MACC1: variants seen among roughly 807,000 people sequenced by gnomAD.
The protein encoded by MACC1 is MET transcriptional regulator MACC1, also known as metastasis-associated in colon cancer protein 1.
MACC1 carries 79 observed loss-of-function variants against 70.7 expected under a neutral mutation model. The observed-to-expected ratio is 1.12, with a 90% CI of 0.93 to 1.35. The LOEUF is 1.35. MACC1 is among the 40% of genes most tolerant of loss of function. The pLI, the probability that MACC1 is intolerant of heterozygous loss-of-function variation, is 0.00. For synonymous variants in MACC1, 361 were observed against 347.2 expected (o/e 1.04, Z -0.44); for missense variants, 1,106 against 978.1 (o/e 1.13, Z -1.74).
rs758865414 is a variant in MACC1, at chr7:20,140,938, C to T, written c.*8G>A. On this transcript the variant is annotated 3_prime_UTR_variant, in exon 7 of 7. Coordinates refer to ENST00000400331, the MANE Select transcript of MACC1 (RefSeq NM_182762.4). ...TTTTCCCTCCCATCAAAAACACACG[C>T]TTTGTTTCTATACTTCCTCAGAAGT... 7 of 1,604,874 alleles carry T rather than the reference C, an allele frequency of 4.4e-6. No individual in the cohort carries two copies. Among genetic ancestry groups the T allele is most frequent in the Middle Eastern group, 1.7e-4 (1 of 6,032 alleles).
At chr7:20,203,481 C>G (rs1232379124) in intron 1 of MACC1, among the ~76,000 whole-genome samples, 1 of 152,252 alleles carries the variant, frequency 6.6e-6, no homozygotes, top group East Asian at 1.9e-4. Context: ...AACGGCTAAA[C>G]CTATGAAGTG....
intron 1 of MACC1, among the ~76,000 whole-genome samples, chr7:20,187,106 C>G (rs1210383594): frequency 6.6e-6 from 1 of 152,124 alleles, no homozygotes; most frequent in Non-Finnish European, 1.5e-5. Flanking sequence ...GAAGAAGCAC[C>G]TGCATTCAAA....
chr7:20,204,084 T>G (rs908983237), intron 1 of MACC1, among the ~76,000 whole-genome samples: 2 of 152,346 alleles, frequency 1.3e-5, no homozygotes, highest in Non-Finnish European at 2.9e-5. Flanking sequence ...CTCCTTATTA[T>G]CTTTATAAAT....
intron 1 of MACC1, among the ~76,000 whole-genome samples, chr7:20,200,543 TTTTAG>T (rs1490167485): frequency 2.0e-5 from 3 of 152,170 alleles, no homozygotes; most frequent in Non-Finnish European, 4.4e-5. Flanking sequence ...TACAGGAAGT[TTTTAG>T]TTTAGGAAAC....
chr7:20,183,852 C>T (rs183657130), intron 1 of MACC1, among the ~76,000 whole-genome samples: 49 of 151,998 alleles, frequency 3.2e-4, no homozygotes, highest in East Asian at 3.9e-4. Flanking sequence ...GGATCACAGG[C>T]GCCCGCCACC....
At chr7:20,169,860 G>A (rs963112125) in intron 2 of MACC1, among the ~76,000 whole-genome samples, 1 of 152,148 alleles carries the variant, frequency 6.6e-6, no homozygotes, top group African/African-American at 2.4e-5. Flanking sequence ...TATAAAAAGT[G>A]GCACAAGAGG....
rs1208831874 is a variant in MACC1 at position 20,140,923 on chromosome 7, C to T, written c.*23G>A. On this transcript the variant is annotated 3_prime_UTR_variant, in exon 7 of 7. Transcript: ENST00000400331. ...CACACCATTACCTCATTTTCCCTCCCATCAAAAACACACGCTTTGTTTCTA... is the reference window on the plus strand; with the variant it reads ...CACACCATTACCTCATTTTCCCTCCTATCAAAAACACACGCTTTGTTTCTA... 9 of 1,581,116 alleles carry T rather than the reference C, an allele frequency of 5.7e-6. No individual in the cohort carries two copies. In the Admixed American group the frequency reaches 1.5e-4, roughly 27 times the overall value.
intron 3 of MACC1, among the ~76,000 whole-genome samples, chr7:20,162,557 A>G (rs1782154401): frequency 6.6e-6 from 1 of 152,144 alleles, no homozygotes; most frequent in Non-Finnish European, 1.5e-5. Flanking sequence ...ATAGGCTCTA[A>G]GTAAGACAAC....
At chr7:20,198,862 GA>G (rs563521170) in intron 1 of MACC1, among the ~76,000 whole-genome samples, 64 of 152,204 alleles carry the variant, frequency 4.2e-4, no homozygotes, top group Non-Finnish European at 7.5e-4. Context: ...AAACAATGAA[GA>G]CTCAATGAAA....
chr7:20,200,999 T>C (rs1782824815), intron 1 of MACC1, among the ~76,000 whole-genome samples: 1 of 152,210 alleles, frequency 6.6e-6, no homozygotes, highest in South Asian at 2.1e-4. Flanking sequence ...TAGGTGTTAT[T>C]TGGTGGGATG....
At chr7:20,145,004 T>C (rs1017520906) in intron 6 of MACC1, among the ~76,000 whole-genome samples, 6 of 152,146 alleles carry the variant, frequency 3.9e-5, no homozygotes, top group African/African-American at 1.4e-4. Context: ...ATTGGCTTGC[T>C]GGAGCCAGCT....
chr7:20,154,295 T>C lies in MACC1; in HGVS notation c.2244A>G (p.Lys748=). Residue 748 remains lysine, a synonymous_variant, in exon 6 of 7, where the codon AAA becomes AAG. Transcript: ENST00000400331. ...ACTTTTCAGCTAGTTCCCTCCAGCC[T>C]TTTCCAAGCTTGACAGCTGAAGTCA... The part of the protein sequence containing the change: ...AVLTSAVKLG[K]GWRELAEKLV... 2 of 1,613,928 alleles carry C rather than the reference T, an allele frequency of 1.2e-6. No homozygotes were observed. The highest frequency in any genetic ancestry group is 1.7e-6 in the Non-Finnish European group (2 of 1,179,908).
chr7:20,140,674 C>CA lies in MACC1; in HGVS notation c.*271dup, dbSNP rs543307854. 3.2e-4 allele frequency: 105 copies of CA among 332,790 alleles called. No homozygotes were observed. Among genetic ancestry groups the CA allele is most frequent in the Non-Finnish European group, 4.7e-4 (88 of 185,852 alleles). The allele number at this position is 332,790 out of a possible 1,614,324, so 20.6% of individuals were successfully genotyped here. On this transcript the variant is annotated 3_prime_UTR_variant, in exon 7 of 7. Transcript: ENST00000400331. ...CTAATACTTGTATTTGAAACATACA[C>CA]AAAAATACATATTTGAGGATAAAAC...
At chr7:20,180,799 A>G (rs1172579161) in intron 1 of MACC1, among the ~76,000 whole-genome samples, 1 of 152,168 alleles carries the variant, frequency 6.6e-6, no homozygotes, top group Non-Finnish European at 1.5e-5. Flanking sequence ...GTGAGGTGAG[A>G]TTTCACCACT....
At chr7:20,178,939 T>C (rs988306975) in intron 1 of MACC1, among the ~76,000 whole-genome samples, 1 of 152,184 alleles carries the variant, frequency 6.6e-6, no homozygotes, top group Non-Finnish European at 1.5e-5. Context: ...CTCATACCTT[T>C]CTTCAATCCT....
chr7:20,136,873 T>C lies in MACC1; in HGVS notation c.*4073A>G, dbSNP rs577631188. ...ATTGTAATTATTAATTCTTAAAGATTATTAATTATAATATTAAATTATATT... is the reference window on the plus strand; with the variant it reads ...ATTGTAATTATTAATTCTTAAAGATCATTAATTATAATATTAAATTATATT... On this transcript the variant is annotated 3_prime_UTR_variant, in exon 7 of 7. Transcript: ENST00000400331. 3 of 140,924 alleles carry C rather than the reference T, an allele frequency of 2.1e-5. No individual in the cohort carries two copies. Among genetic ancestry groups the C allele is most frequent in the Admixed American group, 1.4e-4 (2 of 14,396 alleles). The allele number at this position is 140,924 out of a possible 1,614,324, so 8.7% of individuals were successfully genotyped here.
At chr7:20,202,683 T>C (rs189977381) in intron 1 of MACC1, among the ~76,000 whole-genome samples, 1 of 152,364 alleles carries the variant, frequency 6.6e-6, no homozygotes, top group East Asian at 1.9e-4. Flanking sequence ...ATCAGGTAGA[T>C]AATAGCTACA....
At chr7:20,186,447 G>C (rs1490753883) in intron 1 of MACC1, among the ~76,000 whole-genome samples, 1 of 151,734 alleles carries the variant, frequency 6.6e-6, no homozygotes, top group Non-Finnish European at 1.5e-5. Flanking sequence ...TATGGCTTTT[G>C]TCATAATAGG....
At chr7:20,173,823 G>T (rs1490157871) in intron 1 of MACC1, among the ~76,000 whole-genome samples, 1 of 152,168 alleles carries the variant, frequency 6.6e-6, no homozygotes, top group Admixed American at 6.6e-5. Context: ...TGAGATTGAT[G>T]CTCTTGGGTA....
Sources: gnomAD v4.1 joint callset for allele counts (sites outside exome capture counted in the v4.1 genomes callset) on GRCh38, gnomAD v4.1.1 for gene constraint, MANE v1.5 for transcripts, NCBI Gene and HGNC (gene_info 2026-07-23, HGNC 2026-07-21) for gene names.